PDS5A: variants seen among roughly 807,000 people sequenced by gnomAD.
PDS5A encodes the protein sister chromatid cohesion protein PDS5 homolog A.
PDS5A carries 42 observed loss-of-function variants against 167.1 expected under a neutral mutation model. The ratio of observed to expected loss-of-function variants is 0.25; its 90% CI spans 0.20 to 0.33. The LOEUF is 0.33. Ranked by LOEUF, PDS5A falls within the 10% of genes least tolerant of loss-of-function variation. The pLI is 1.00. For missense variants in PDS5A, 1,033 were observed against 1,605.9 expected (o/e 0.64, Z 6.10); for synonymous variants, 553 against 554.6 (o/e 1.00, Z 0.04).
chr4:39,970,930 C>T (rs1730467918), intron 2 of PDS5A, among the ~76,000 whole-genome samples: 1 of 149,512 alleles, frequency 6.7e-6, no homozygotes, highest in Non-Finnish European at 1.5e-5. Flanking sequence ...TCCTGAGTAG[C>T]TACGACCATA....
intron 16 of PDS5A, among the ~76,000 whole-genome samples, chr4:39,896,184 A>G (rs1267795058): frequency 6.6e-6 from 1 of 151,858 alleles, no homozygotes; most frequent in African/African-American, 2.4e-5. Flanking sequence ...TCAGGACTAC[A>G]GGTGTGCGCC....
chr4:39,874,698 C>T (rs552413726), intron 19 of PDS5A, among the ~76,000 whole-genome samples: 1 of 152,264 alleles, frequency 6.6e-6, no homozygotes, highest in South Asian at 2.1e-4. Flanking sequence ...TAATCTAAAG[C>T]TTACCCCATG....
chr4:39,863,136 G>T, intron 24 of PDS5A, 63 bp from the exon 25 acceptor site: 1 of 1,242,406 alleles, frequency 8.0e-7, no homozygotes, highest in Non-Finnish European at 1.2e-6. Context: ...AGCAGTTTAA[G>T]TATTTTTAGT....
chr4:39,904,167 T>A lies in PDS5A; in HGVS notation c.1258A>T (p.Met420Leu). The change falls in exon 12 of 33, where the codon ATG becomes TTG. Residue 420 changes from methionine (M) to leucine (L), a missense_variant. Physicochemically the swap from Met to Leu is conservative, Grantham distance 15. Coordinates refer to ENST00000303538, the MANE Select transcript of PDS5A (RefSeq NM_001100399.2). Reference sequence around the variant, plus strand: ...TTCTTATAAAGCTGAGCCAGACCCATCATAGCTTCTTTTCTTACTCGCCAC... The same window carrying A: ...TTCTTATAAAGCTGAGCCAGACCCAACATAGCTTCTTTTCTTACTCGCCAC... ...KRWRVRKEAM[M>L]GLAQLYKKYC... 6.2e-7 allele frequency: 1 copy of A among 1,607,886 alleles called. No individual in the cohort carries two copies.
intron 2 of PDS5A, among the ~76,000 whole-genome samples, chr4:39,930,957 T>C (rs915314735): frequency 2.0e-5 from 3 of 152,250 alleles, no homozygotes; most frequent in Admixed American, 2.0e-4. Context: ...CATCTATATT[T>C]CCATCTTGAG....
At chr4:39,916,759 G>A (rs1377619018) in intron 8 of PDS5A, among the ~76,000 whole-genome samples, 2 of 151,878 alleles carry the variant, frequency 1.3e-5, no homozygotes, top group African/African-American at 2.4e-5. Context: ...CCAGCTACTC[G>A]GGAGGCTGAG....
At position 39,866,849 on chromosome 4, in the gene PDS5A, GAAAA is replaced by G. The variant is rs775584443; in HGVS notation, c.2642+8_2642+11del. The stretch of plus-strand genomic sequence containing the variant: ...CAGCACTAAGAAAACTGGAAAGAAA[GAAAA>G]ATCTCACCTGATCCTCTTTTGCTCT... On this transcript the variant is annotated splice_region_variant and intron_variant, in intron 23 of 32. Transcript: ENST00000303538. 5.7e-6 allele frequency: 9 copies of G among 1,591,778 alleles called. No individual in the cohort carries two copies. The highest frequency in any genetic ancestry group is 6.0e-6 in the Non-Finnish European group (7 of 1,172,406).
intron 2 of PDS5A, among the ~76,000 whole-genome samples, chr4:39,931,387 A>G (rs1230966761): frequency 6.6e-6 from 1 of 152,126 alleles, no homozygotes; most frequent in Non-Finnish European, 1.5e-5. Flanking sequence ...ACATGTATTT[A>G]TCATATGTGG....
intron 2 of PDS5A, among the ~76,000 whole-genome samples, chr4:39,957,699 T>C (rs1179757378): frequency 1.4e-5 from 2 of 143,538 alleles, no homozygotes; most frequent in African/African-American, 2.6e-5. Flanking sequence ...GGCAGGAGAA[T>C]GGCATGAACC....
intron 2 of PDS5A, among the ~76,000 whole-genome samples, chr4:39,965,573 G>C (rs1004162958): frequency 2.6e-5 from 4 of 152,214 alleles, no homozygotes; most frequent in Admixed American, 6.5e-5. Context: ...CTTTAAAAGG[G>C]AAGGAAGTAA....
Position 39,890,342 on chromosome 4 carries a change from G to T in PDS5A, c.1793C>A (p.Ala598Glu). ...ICVREIARKL[A>E]NPKQPTNPFL... The stretch of plus-strand genomic sequence containing the variant: ...AGGATTTGTTGGTTGCTTAGGATTT[G>T]CAAGTTTCCGGGCTATTTCTCTCTA... Residue 598 changes from alanine (A) to glutamate (E), a missense_variant, in exon 17 of 33, where the codon GCA (alanine) becomes GAA (glutamate). Coordinates refer to ENST00000303538, the MANE Select transcript of PDS5A (RefSeq NM_001100399.2). The T allele has an allele frequency of 6.3e-7, 1 of 1,578,240 alleles. No individual in the cohort carries two copies. Among genetic ancestry groups the T allele is most frequent in the Non-Finnish European group, 8.6e-7 (1 of 1,158,774 alleles).
chr4:39,972,840 T>C (rs1578857726), intron 2 of PDS5A, among the ~76,000 whole-genome samples: 1 of 152,116 alleles, frequency 6.6e-6, no homozygotes, highest in African/African-American at 2.4e-5. Flanking sequence ...TTTTGTACTT[T>C]GCTGAAAATT....
intron 32 of PDS5A, among the ~76,000 whole-genome samples, chr4:39,830,367 A>C (rs906422325): frequency 6.6e-6 from 1 of 151,924 alleles, no homozygotes; most frequent in African/African-American, 2.4e-5. Flanking sequence ...TTTCTTTTTA[A>C]ATTTTTTGTA....
intron 9 of PDS5A, among the ~76,000 whole-genome samples, chr4:39,912,804 T>C (rs1034429759): frequency 2.0e-5 from 3 of 152,232 alleles, no homozygotes; most frequent in Admixed American, 2.0e-4. Context: ...TAGAATTTAG[T>C]CATTCTAAGC....
At chr4:39,836,302 G>A (rs376851066) in intron 32 of PDS5A, among the ~76,000 whole-genome samples, 6 of 152,270 alleles carry the variant, frequency 3.9e-5, no homozygotes, top group African/African-American at 1.4e-4. Context: ...TGAGTAGGAG[G>A]AACACACTAG....
At chr4:39,853,071 T>C (rs1381220451) in intron 26 of PDS5A, among the ~76,000 whole-genome samples, 1 of 150,860 alleles carries the variant, frequency 6.6e-6, no homozygotes, top group African/African-American at 2.4e-5. Flanking sequence ...ACTGAGTAGC[T>C]GGGACTACAG....
chr4:39,900,772 G>A (rs1221553898), intron 13 of PDS5A, among the ~76,000 whole-genome samples: 1 of 152,168 alleles, frequency 6.6e-6, no homozygotes, highest in African/African-American at 2.4e-5. Context: ...AATACAGGTA[G>A]CTAGAAAGTT....
chr4:39,890,724 C>T (rs574699413), intron 16 of PDS5A, among the ~76,000 whole-genome samples: 83 of 152,208 alleles, frequency 5.5e-4, no homozygotes, highest in South Asian at 2.1e-3. Context: ...TCAAATGATT[C>T]TCCTGCCTCA....
intron 16 of PDS5A, among the ~76,000 whole-genome samples, chr4:39,892,233 G>A (rs907631231): frequency 6.6e-6 from 1 of 152,202 alleles, no homozygotes; most frequent in African/African-American, 2.4e-5. Context: ...GAGGTCAGGA[G>A]TTTTGAGACC....
Sources: allele counts gnomAD v4.1 joint callset (sites outside exome capture counted in the v4.1 genomes callset), GRCh38; gene constraint gnomAD v4.1.1; transcripts MANE v1.5; gene names NCBI Gene and HGNC (gene_info 2026-07-23, HGNC 2026-07-21).